CELF4: variants seen among roughly 807,000 people sequenced by gnomAD.
The protein encoded by CELF4 is CUGBP Elav-like family member 4.
CELF4 carries 18 observed loss-of-function variants against 59.9 expected under a neutral mutation model. The observed-to-expected ratio is 0.30, with a 90% CI of 0.21 to 0.45. The LOEUF (loss-of-function observed/expected upper bound fraction) is 0.45, where lower values mean the gene tolerates loss of function less well. Among genes scored for constraint, CELF4 ranks in the 20% least tolerant of loss-of-function variants. The probability of loss-of-function intolerance (pLI) is 1.00; values close to 1 mark genes in which losing one functional copy is unlikely to be tolerated. For missense variants in CELF4, 456 were observed against 689.0 expected, an observed-to-expected ratio of 0.66 and a Z score of 3.79; for synonymous variants, 261 against 267.1, an observed-to-expected ratio of 0.98 and a Z score of 0.22.
chr18:37,397,191 C>T (rs1569568709), intron 2 of CELF4, among the ~76,000 whole-genome samples: 1 of 152,216 alleles, frequency 6.6e-6, no homozygotes, highest in Admixed American at 6.5e-5. Context: ...CTGTTCAGTG[C>T]TTGGTTCTGC....
At chr18:37,449,887 T>C (rs1320466433) in intron 2 of CELF4, among the ~76,000 whole-genome samples, 1 of 152,190 alleles carries the variant, frequency 6.6e-6, no homozygotes, top group Non-Finnish European at 1.5e-5. Flanking sequence ...TGGCTCTGGC[T>C]ACCACCCCCT....
At chr18:37,466,441 A>C (rs929112567) in intron 2 of CELF4, among the ~76,000 whole-genome samples, 3 of 152,122 alleles carry the variant, frequency 2.0e-5, no homozygotes, top group African/African-American at 7.2e-5. Flanking sequence ...ATGTGGGCGC[A>C]TGAAACCTGG....
At position 37,360,647 on chromosome 18, in the gene CELF4, G is replaced by A. The variant is rs187344818; in HGVS notation, c.370-38766C>T. Among the ~76,000 whole-genome samples the A allele has an allele frequency of 1.2e-4, 19 of 152,324 alleles. No individual in the cohort carries two copies. In the East Asian group the frequency reaches 2.9e-3, roughly 23 times the overall value. On this transcript the variant is annotated intron_variant, in intron 2 of 12. Transcript: ENST00000420428. The stretch of plus-strand genomic sequence containing the variant: ...AGCCTGTCTGGAGGCAGGCAGTCTC[G>A]TTGCAGGGCTATACTCTTCATGCCT...
chr18:37,393,185 G>C (rs761324170), intron 2 of CELF4, among the ~76,000 whole-genome samples: 12 of 152,144 alleles, frequency 7.9e-5, no homozygotes, highest in Non-Finnish European at 1.5e-4. Context: ...GGTTCCTCTC[G>C]GGGATACCCT....
chr18:37,257,990 C>T (rs1269701010), intron 11 of CELF4, among the ~76,000 whole-genome samples: 4 of 152,174 alleles, frequency 2.6e-5, no homozygotes, highest in Admixed American at 6.5e-5. Context: ...AATAAAAACA[C>T]GGGATGCCAG....
chr18:37,472,314 C>T (rs922214595), intron 2 of CELF4, among the ~76,000 whole-genome samples: 1 of 152,242 alleles, frequency 6.6e-6, no homozygotes, highest in African/African-American at 2.4e-5. Flanking sequence ...TGGCCCCTCC[C>T]TGCGGCCAGC....
At chr18:37,268,392 C>T (rs143514242) in intron 8 of CELF4, among the ~76,000 whole-genome samples, 48 of 152,314 alleles carry the variant, frequency 3.2e-4, no homozygotes, top group African/African-American at 1.1e-3. Flanking sequence ...AGGAGAACCA[C>T]GTCCGGATTG....
chr18:37,286,181 G>A (rs550458380), intron 3 of CELF4, among the ~76,000 whole-genome samples: 1 of 152,150 alleles, frequency 6.6e-6, no homozygotes, highest in Non-Finnish European at 1.5e-5. Context: ...AAGGAATGGT[G>A]TTAAAAGCTT....
chr18:37,404,563 A>G (rs2099362078), intron 2 of CELF4, among the ~76,000 whole-genome samples: 1 of 152,178 alleles, frequency 6.6e-6, no homozygotes, highest in African/African-American at 2.4e-5. Flanking sequence ...GGAATCTCAC[A>G]TGGGGGCTGT....
At chr18:37,345,283 A>G (rs1443793819) in intron 2 of CELF4, among the ~76,000 whole-genome samples, 1 of 152,222 alleles carries the variant, frequency 6.6e-6, no homozygotes, top group Admixed American at 6.5e-5. Flanking sequence ...ACTCATTTTA[A>G]TTGTTCCGCA....
intron 1 of CELF4, among the ~76,000 whole-genome samples, chr18:37,543,758 T>C (rs933393709): frequency 1.3e-5 from 2 of 152,220 alleles, no homozygotes; most frequent in Non-Finnish European, 2.9e-5. Flanking sequence ...GCAATGAAAA[T>C]ATTTACAATA....
chr18:37,561,791 T>C (rs1295120540), intron 1 of CELF4, among the ~76,000 whole-genome samples: 1 of 152,216 alleles, frequency 6.6e-6, no homozygotes, highest in Non-Finnish European at 1.5e-5. Flanking sequence ...GGGGTAAAAT[T>C]GGCCCTCAGC....
chr18:37,328,702 T>C (rs934548664), intron 2 of CELF4, among the ~76,000 whole-genome samples: 4 of 152,192 alleles, frequency 2.6e-5, no homozygotes, highest in Admixed American at 6.5e-5. Context: ...TCTATCCTGG[T>C]GCTTTAGGAC....
intron 2 of CELF4, among the ~76,000 whole-genome samples, chr18:37,469,112 C>T (rs974435150): frequency 2.0e-5 from 3 of 152,178 alleles, no homozygotes; most frequent in African/African-American, 7.2e-5. Context: ...AGGGAGGTAC[C>T]TGTTAACTGC....
At chr18:37,492,355 G>A (rs999153746) in intron 1 of CELF4, among the ~76,000 whole-genome samples, 19 of 152,276 alleles carry the variant, frequency 1.2e-4, no homozygotes, top group African/African-American at 4.3e-4. Flanking sequence ...CCTCACCCCC[G>A]GCTGCACCTG....
At chr18:37,352,175 G>A (rs2098455655) in intron 2 of CELF4, among the ~76,000 whole-genome samples, 1 of 152,244 alleles carries the variant, frequency 6.6e-6, no homozygotes, top group South Asian at 2.1e-4. Flanking sequence ...AAGGGCAGAA[G>A]CCCAGACCAC....
chr18:37,454,879 A>G (rs960601028), intron 2 of CELF4, among the ~76,000 whole-genome samples: 1 of 152,182 alleles, frequency 6.6e-6, no homozygotes. Context: ...TAATGAGGAG[A>G]GCAGCCATCA....
intron 2 of CELF4, among the ~76,000 whole-genome samples, chr18:37,361,781 C>CAA (rs1361969385): frequency 1.3e-5 from 2 of 151,722 alleles, no homozygotes; most frequent in Non-Finnish European, 1.5e-5. Context: ...GAAGACTACC[C>CAA]TCGGAGATGC....
intron 2 of CELF4, among the ~76,000 whole-genome samples, chr18:37,371,587 G>C (rs955643131): frequency 5.3e-5 from 8 of 152,220 alleles, no homozygotes. Context: ...GAAGCCCTTT[G>C]AGCAATGCCA....
Sources: allele counts gnomAD v4.1 joint callset (sites outside exome capture counted in the v4.1 genomes callset), GRCh38; gene constraint gnomAD v4.1.1; transcripts MANE v1.5; gene names NCBI Gene and HGNC (gene_info 2026-07-23, HGNC 2026-07-21).